Variants in RAB20 observed in about 807,000 individuals in gnomAD.
RAB20 encodes the protein ras-related protein Rab-20.
In RAB20, 2 loss-of-function variants were observed where a neutral mutation model predicts 3.7. The ratio of observed to expected loss-of-function variants is 0.54; its 90% CI spans 0.22 to 1.69. RAB20 has a LOEUF of 1.69. Ranked by LOEUF, RAB20 falls within the 40% of genes most tolerant of loss-of-function variation. The pLI, the probability that RAB20 is intolerant of heterozygous loss-of-function variation, is 0.19. For synonymous variants in RAB20, 126 were observed against 130.8 expected, an observed-to-expected ratio of 0.96 and a Z score of 0.25; for missense variants, 276 against 311.9, an observed-to-expected ratio of 0.88 and a Z score of 0.87.
Position 110,561,710 on chromosome 13 carries a change from C to G in RAB20, c.-191G>C. The G allele has an allele frequency of 4.7e-6, 5 of 1,060,090 alleles. No homozygotes were observed. The highest frequency in any genetic ancestry group is 6.2e-6 in the Non-Finnish European group (5 of 806,270). 65.7% of individuals were successfully genotyped at this position (1,060,090 alleles called of 1,614,324 possible). A position where few individuals can be genotyped will look rare whatever the true frequency, so the allele number is the denominator to read the frequency against. Reference sequence around the variant, plus strand: ...GCGCGTGTGCGCGCCCGGGAAGGAGCTGGGTGCAGAGCACGGAGCCCACGT... The same window carrying G: ...GCGCGTGTGCGCGCCCGGGAAGGAGGTGGGTGCAGAGCACGGAGCCCACGT... On this transcript the variant is annotated 5_prime_UTR_variant, in exon 1 of 2. Coordinates refer to ENST00000267328, the MANE Select transcript of RAB20 (RefSeq NM_017817.3).
At position 110,534,422 on chromosome 13, in the gene RAB20, G is replaced by A. The variant is rs1454787485; in HGVS notation, c.173-10225C>T. On this transcript the variant is annotated intron_variant, in intron 1 of 1. Transcript: ENST00000267328. Reference sequence around the variant, plus strand: ...CATTTTCAGGCTGTCCCCTGAGGCCGAGCCCCTACAAAGAGGTGCTGCCAC... The same window carrying A: ...CATTTTCAGGCTGTCCCCTGAGGCCAAGCCCCTACAAAGAGGTGCTGCCAC... 2.6e-5 allele frequency among the ~76,000 whole-genome samples: 4 copies of A among 152,152 alleles called. No homozygotes were observed. The South Asian group carries it at 6.2e-4, about 24-fold the overall frequency.
At chr13:110,526,535 T>G (rs1339636086) in intron 1 of RAB20, among the ~76,000 whole-genome samples, 1 of 152,202 alleles carries the variant, frequency 6.6e-6, no homozygotes, top group Non-Finnish European at 1.5e-5. Flanking sequence ...CCTGAGTGTG[T>G]GGACAGTGTC....
intron 1 of RAB20, among the ~76,000 whole-genome samples, chr13:110,539,629 G>A (rs1351894006): frequency 1.2e-4 from 18 of 148,682 alleles, no homozygotes; most frequent in Non-Finnish European, 2.2e-4. Context: ...GTGCAATCTC[G>A]GCTCACTGCA....
At chr13:110,547,759 G>T (rs918910359) in intron 1 of RAB20, among the ~76,000 whole-genome samples, 4 of 152,214 alleles carry the variant, frequency 2.6e-5, no homozygotes, top group Non-Finnish European at 1.5e-5. Context: ...CATATTAAGT[G>T]TTGTGGAAGC....
chr13:110,527,390 A>G (rs1884447584), intron 1 of RAB20, among the ~76,000 whole-genome samples: 1 of 152,172 alleles, frequency 6.6e-6, no homozygotes, highest in Non-Finnish European at 1.5e-5. Flanking sequence ...CAAAGCCGAC[A>G]GTGTGCCCTT....
chr13:110,523,972 G>A lies in RAB20; in HGVS notation c.398C>T (p.Pro133Leu), dbSNP rs1417977321. The A allele has an allele frequency of 1.2e-6, 2 of 1,614,144 alleles. No individual in the cohort carries two copies. Among genetic ancestry groups the A allele is most frequent in the East Asian group, 2.2e-5 (1 of 44,864 alleles). ...LAGQEKEECSPNMDAGDRVSP... is the reference protein window; with the variant it reads ...LAGQEKEECSLNMDAGDRVSP... ...GACACGGTCCCCAGCGTCCATATTG[G>A]GACTGCACTCTTCCTTCTCCTGGCC... Residue 133 changes from proline (P) to leucine (L), a missense_variant, in exon 2 of 2, where the codon CCC (proline) becomes CTC (leucine). Pro to Leu is a moderately conservative substitution (Grantham distance 98, BLOSUM62 -3). Transcript: ENST00000267328.
rs1884361626 is a variant in RAB20 at position 110,523,262 on chromosome 13, C to A, written c.*403G>T. 2 of 413,496 alleles carry A rather than the reference C, an allele frequency of 4.8e-6. No homozygotes were observed. Among genetic ancestry groups the A allele is most frequent in the South Asian group, 1.1e-4 (1 of 9,454 alleles). The allele number at this position is 413,496 out of a possible 1,614,324, so 25.6% of individuals were successfully genotyped here. On this transcript the variant is annotated 3_prime_UTR_variant, in exon 2 of 2. Coordinates refer to ENST00000267328, the MANE Select transcript of RAB20 (RefSeq NM_017817.3). ...AGAAACGCTTGAGAACAAGAAATGT[C>A]AGAGTTGTAGGACGTGGTAACAACC...
intron 1 of RAB20, among the ~76,000 whole-genome samples, chr13:110,527,729 C>G (rs1341555429): frequency 6.6e-6 from 1 of 152,064 alleles, no homozygotes; most frequent in Non-Finnish European, 1.5e-5. Flanking sequence ...CAGACAGTGT[C>G]CCCGGAATCC....
At chr13:110,548,116 G>GTT (rs1364507466) in intron 1 of RAB20, among the ~76,000 whole-genome samples, 1 of 152,164 alleles carries the variant, frequency 6.6e-6, no homozygotes, top group East Asian at 1.9e-4. Context: ...AAAAGACACT[G>GTT]TTATCCTCAA....
chr13:110,555,526 G>A lies in RAB20; in HGVS notation c.172+5822C>T, dbSNP rs899249505. Among the ~76,000 whole-genome samples, 10 of 152,152 alleles carry A rather than the reference G, an allele frequency of 6.6e-5. No individual in the cohort carries two copies. Among genetic ancestry groups the A allele is most frequent in the East Asian group, 3.9e-4 (2 of 5,192 alleles). ...TCTTCCACATCTTTGCCGTCCACCC[G>A]TCCTTGGGTTCTGGCACCAAGAACA... On this transcript the variant is annotated intron_variant, in intron 1 of 1. Transcript: ENST00000267328. This position sits in a 1 kb window ranked among gnomAD's most constrained non-coding sequence, Gnocchi z 4.0.
chr13:110,531,097 C>T (rs574271683), intron 1 of RAB20, among the ~76,000 whole-genome samples: 18 of 152,292 alleles, frequency 1.2e-4, no homozygotes, highest in African/African-American at 4.1e-4. Flanking sequence ...TTATTATGCT[C>T]GTGCAGGCTT....
At chr13:110,550,182 G>A (rs1884928031) in intron 1 of RAB20, among the ~76,000 whole-genome samples, 1 of 152,124 alleles carries the variant, frequency 6.6e-6, no homozygotes, top group African/African-American at 2.4e-5. Flanking sequence ...CATGCCACAA[G>A]GGCACCCCAA....
intron 1 of RAB20, among the ~76,000 whole-genome samples, chr13:110,540,203 T>G (rs576718335): frequency 6.6e-6 from 1 of 152,382 alleles, no homozygotes; most frequent in Admixed American, 6.5e-5. Context: ...ATAACAGACT[T>G]AGCTTTAAAA....
intron 1 of RAB20, among the ~76,000 whole-genome samples, chr13:110,525,782 G>A (rs570165119): frequency 1.2e-4 from 18 of 152,366 alleles, no homozygotes; most frequent in African/African-American, 3.6e-4. Flanking sequence ...CCGCACTGGG[G>A]GGACGAGCTC....
At chr13:110,559,491 A>AC (rs141297152) in intron 1 of RAB20, among the ~76,000 whole-genome samples, 2,928 of 152,282 alleles carry the variant, frequency 0.019, 92 homozygotes, top group African/African-American at 0.067. Context: ...GCCACAGGCC[A>AC]CCGAGGAGGC....
At chr13:110,546,329 T>G (rs1017930667) in intron 1 of RAB20, among the ~76,000 whole-genome samples, 4 of 152,260 alleles carry the variant, frequency 2.6e-5, no homozygotes, top group African/African-American at 9.6e-5. Context: ...TATCTTCATT[T>G]TGTTTTCTAA....
At chr13:110,528,233 G>T (rs756283806) in intron 1 of RAB20, among the ~76,000 whole-genome samples, 1 of 151,514 alleles carries the variant, frequency 6.6e-6, no homozygotes, top group African/African-American at 2.4e-5. Context: ...CCTGACCAAC[G>T]CAGAGAAAAC....
At chr13:110,528,211 G>A (rs1021157171) in intron 1 of RAB20, among the ~76,000 whole-genome samples, 7 of 151,930 alleles carry the variant, frequency 4.6e-5, no homozygotes, top group African/African-American at 1.7e-4. Context: ...GAGTTCGGGA[G>A]TTCGAGACCA....
Position 110,523,549 on chromosome 13 carries a change from G to C in RAB20, c.*116C>G. 1 of 1,476,036 alleles carries C rather than the reference G, an allele frequency of 6.8e-7. No individual in the cohort carries two copies. Among genetic ancestry groups the C allele is most frequent in the East Asian group, 2.4e-5 (1 of 41,932 alleles). 91.4% of individuals were successfully genotyped at this position (1,476,036 alleles called of 1,614,324 possible). On this transcript the variant is annotated 3_prime_UTR_variant, in exon 2 of 2. Transcript: ENST00000267328. ...ATCATTTCCACTCCAACATTCTGCTGCGGGTGTCATTCTGGAAAATAATTC... is the reference window on the plus strand; with the variant it reads ...ATCATTTCCACTCCAACATTCTGCTCCGGGTGTCATTCTGGAAAATAATTC...
Sources: allele counts gnomAD v4.1 joint callset (sites outside exome capture counted in the v4.1 genomes callset), GRCh38; gene constraint gnomAD v4.1.1; non-coding constraint Gnocchi (gnomAD v3.1); transcripts MANE v1.5; gene names NCBI Gene and HGNC (gene_info 2026-07-23, HGNC 2026-07-21).